The following TGFB1 variants were observed in gnomAD, a reference collection of about 807,000 sequenced individuals.
The protein encoded by TGFB1 is transforming growth factor beta 1.
TGFB1 carries 19 observed loss-of-function variants against 43.8 expected under a neutral mutation model. That is an observed-to-expected ratio of 0.43 (90% CI 0.30 to 0.64). The LOEUF (loss-of-function observed/expected upper bound fraction) is 0.64. TGFB1 is among the 30% of genes least tolerant of loss of function. TGFB1 has a pLI of 0.11. For synonymous variants in TGFB1, 221 were observed against 236.3 expected (o/e 0.94, Z 0.60); for missense variants, 445 against 529.8 (o/e 0.84, Z 1.57).
chr19:41,332,398 C>T (rs2043830702), intron 5 of TGFB1, 117 bp from the exon 6 acceptor site: 3 of 1,195,714 alleles, frequency 2.5e-6, no homozygotes, highest in African/African-American at 3.0e-5. Context: ...CTATCTCCAT[C>T]TGGGTCTCCC....
Position 41,348,370 on chromosome 19 carries a change from G to A in TGFB1, c.441C>T (p.Pro147=), listed in dbSNP as rs200674778. ...TSELREAVPE[P]VLLSRAELRL... ...GCAGCTCTGCCCGGGAGAGCAACAC[G>A]GGTTCAGGTACCGCTTCTCGGAGCT... is the stretch of plus-strand genomic sequence containing the variant. Residue 147 remains proline, a synonymous_variant, in exon 2 of 7, where the codon CCC becomes CCT. Transcript: ENST00000221930. 63 of 1,613,530 alleles carry A rather than the reference G, an allele frequency of 3.9e-5. No individual in the cohort carries two copies. In the East Asian group the frequency reaches 9.1e-4, roughly 23 times the overall value.
chr19:41,333,611 G>C (rs59466792), intron 5 of TGFB1, among the ~76,000 whole-genome samples: 5 of 152,064 alleles, frequency 3.3e-5, no homozygotes, highest in Admixed American at 6.6e-5. Context: ...CGCACGCCTC[G>C]GCCTCCCAAA....
At chr19:41,348,181 C>A in intron 2 of TGFB1, 114 bp downstream of exon 2, 3 of 1,219,572 alleles carry the variant, frequency 2.5e-6, no homozygotes, top group South Asian at 1.2e-5. Flanking sequence ...TTCTTCTATC[C>A]TTCAGGGACC....
At position 41,332,245 on chromosome 19, in the gene TGFB1, G is replaced by A; in HGVS notation, c.897C>T (p.Tyr299=). The A allele has an allele frequency of 1.9e-6, 3 of 1,614,152 alleles. No individual in the cohort carries two copies. The East Asian group carries it at 6.7e-5, about 36-fold the overall frequency. The change falls in exon 6 of 7, where the codon TAC becomes TAT. Residue 299 remains tyrosine (Y), a synonymous_variant. Transcript: ENST00000221930. ...TEKNCCVRQL[Y]IDFRKDLGWK... ...AGCCGAGGTCCTTGCGGAAGTCAAT[G>A]TACAGCTGCCGCACGCAGCAGTTCT...
chr19:41,339,826 A>G (rs540464540), intron 5 of TGFB1, among the ~76,000 whole-genome samples: 9 of 152,272 alleles, frequency 5.9e-5, no homozygotes, highest in South Asian at 2.1e-4. Flanking sequence ...TCTGTCTCAA[A>G]AAAGACCTCA....
chr19:41,338,525 A>G (rs535510384), intron 5 of TGFB1, among the ~76,000 whole-genome samples: 1 of 151,128 alleles, frequency 6.6e-6, no homozygotes, highest in Admixed American at 6.6e-5. Flanking sequence ...TATAGGACAT[A>G]ATACATAAAA....
intron 5 of TGFB1, 138 bp downstream of exon 5, chr19:41,341,745 C>A: frequency 8.9e-7 from 1 of 1,127,564 alleles, no homozygotes; most frequent in Non-Finnish European, 1.3e-6. Flanking sequence ...ACCTCATCCC[C>A]TGAGCCCTCC....
intron 5 of TGFB1, among the ~76,000 whole-genome samples, chr19:41,336,386 CTT>C (rs60810325): frequency 4.4e-4 from 59 of 134,442 alleles, no homozygotes; most frequent in Middle Eastern, 4.5e-3. Context: ...TCCACTATCT[CTT>C]TTTTTTTTTT....
intron 5 of TGFB1, among the ~76,000 whole-genome samples, chr19:41,339,674 A>G (rs11466340): frequency 0.014 from 2,054 of 152,088 alleles, 63 homozygotes; most frequent in African/African-American, 0.047. Context: ...AAAACCAAAA[A>G]TTAGCCGGGT....
chr19:41,344,318 C>T (rs2038091568), intron 3 of TGFB1, among the ~76,000 whole-genome samples: 1 of 152,014 alleles, frequency 6.6e-6, no homozygotes, highest in African/African-American at 2.4e-5. Context: ...TTTTCCTGAC[C>T]ATTCTACTCA....
At chr19:41,346,937 G>T (rs905020378) in intron 2 of TGFB1, among the ~76,000 whole-genome samples, 1 of 151,994 alleles carries the variant, frequency 6.6e-6, no homozygotes, top group African/African-American at 2.4e-5. Context: ...TGTTGGCCAG[G>T]CTGGTCTTGA....
In TGFB1 at chr19:41,353,063, C is replaced by G. The variant is rs1211531603; in HGVS notation, c.-19G>C. ...GCGGCATGGGGGAGGCGGCGCCCCCCGGCACTGCCGAGAGCGCGAACAGGG... is the reference window on the plus strand; with the variant it reads ...GCGGCATGGGGGAGGCGGCGCCCCCGGGCACTGCCGAGAGCGCGAACAGGG... On this transcript the variant is annotated 5_prime_UTR_variant, in exon 1 of 7. Transcript: ENST00000221930. This position sits in a 1 kb window ranked among gnomAD's most constrained non-coding sequence, Gnocchi z 5.9. 1.3e-6 allele frequency: 2 copies of G among 1,511,464 alleles called. No homozygotes were observed. Among genetic ancestry groups the G allele is most frequent in the Non-Finnish European group, 1.8e-6 (2 of 1,135,124 alleles). 93.6% of individuals were successfully genotyped at this position (1,511,464 alleles called of 1,614,324 possible).
At position 41,353,221 on chromosome 19, in the gene TGFB1, G is replaced by T; in HGVS notation, c.-177C>A. 1 of 748,102 alleles carries T rather than the reference G, an allele frequency of 1.3e-6. No individual in the cohort carries two copies. The highest frequency in any genetic ancestry group is 2.0e-6 in the Non-Finnish European group (1 of 489,926). The allele number at this position is 748,102 out of a possible 1,614,324, so 46.3% of individuals were successfully genotyped here. Reference sequence around the variant, plus strand: ...TGGAGGGGAGGCTTGGACCGGGGGTGTCTCAGTATCCCACGGAAATAACCT... The same window carrying T: ...TGGAGGGGAGGCTTGGACCGGGGGTTTCTCAGTATCCCACGGAAATAACCT... On this transcript the variant is annotated 5_prime_UTR_variant, in exon 1 of 7. Coordinates refer to ENST00000221930, the MANE Select transcript of TGFB1 (RefSeq NM_000660.7). This position sits in a 1 kb window ranked among gnomAD's most constrained non-coding sequence, Gnocchi z 5.9.
rs899626097 is a variant in TGFB1 at position 41,353,458 on chromosome 19, G to C, written c.-414C>G. The C allele has an allele frequency of 1.2e-5, 2 of 170,364 alleles. No homozygotes were observed. Among genetic ancestry groups the C allele is most frequent in the African/African-American group, 2.4e-5 (1 of 41,818 alleles). The allele number at this position is 170,364 out of a possible 1,614,324, so 10.6% of individuals were successfully genotyped here. The stretch of plus-strand genomic sequence containing the variant: ...CCGGGTCGGCGACTCCCGAGGGCTG[G>C]TCCGGAATGGGGGCGCCTGAGGGAC... On this transcript the variant is annotated 5_prime_UTR_variant, in exon 1 of 7. Transcript: ENST00000221930. This position sits in a 1 kb window ranked among gnomAD's most constrained non-coding sequence, Gnocchi z 5.9.
At chr19:41,346,899 T>C (rs2038122316) in intron 2 of TGFB1, among the ~76,000 whole-genome samples, 2 of 152,058 alleles carry the variant, frequency 1.3e-5, no homozygotes, top group African/African-American at 4.8e-5. Flanking sequence ...CTAATTTTTG[T>C]ATTTTTAGTA....
chr19:41,337,753 G>A (rs187696139), intron 5 of TGFB1, among the ~76,000 whole-genome samples: 5 of 152,212 alleles, frequency 3.3e-5, no homozygotes, highest in Admixed American at 3.3e-4. Flanking sequence ...GAGACAGCAA[G>A]ACCAACACCT....
intron 1 of TGFB1, among the ~76,000 whole-genome samples, chr19:41,348,740 C>T (rs1302078743): frequency 2.0e-5 from 3 of 151,898 alleles, no homozygotes; most frequent in Non-Finnish European, 4.4e-5. Flanking sequence ...TCTCCTGCCT[C>T]AGCCTCCCGA....
At chr19:41,348,031 C>G (rs756330188) in intron 2 of TGFB1, among the ~76,000 whole-genome samples, 77 of 151,610 alleles carry the variant, frequency 5.1e-4, no homozygotes, top group Admixed American at 9.9e-4. Context: ...ACTTGGGAGG[C>G]TGAGGCAGGA....
At chr19:41,332,087 TC>T (rs768656259) in intron 6 of TGFB1, 40 bp downstream of exon 6, 3 of 1,595,036 alleles carry the variant, frequency 1.9e-6, no homozygotes, top group African/African-American at 1.3e-5. Context: ...CCGTCCTGGC[TC>T]CCCCCAAGCG....
Sources: allele counts gnomAD v4.1 joint callset (sites outside exome capture counted in the v4.1 genomes callset), GRCh38; gene constraint gnomAD v4.1.1; non-coding constraint Gnocchi (gnomAD v3.1); transcripts MANE v1.5; gene names NCBI Gene and HGNC (gene_info 2026-07-23, HGNC 2026-07-21).